NDST3: variants seen among roughly 807,000 people sequenced by gnomAD.
NDST3 encodes the protein N-deacetylase and N-sulfotransferase 3, also known as bifunctional heparan sulfate N-deacetylase/N-sulfotransferase 3.
In NDST3, 58 loss-of-function variants were observed where a neutral mutation model predicts 96.1. The ratio of observed to expected loss-of-function variants is 0.60; its 90% CI spans 0.49 to 0.75. The LOEUF is 0.75. Among genes scored for constraint, NDST3 ranks in the 30% least tolerant of loss-of-function variants. NDST3 has a pLI of 0.00. For synonymous variants in NDST3, 333 were observed against 359.7 expected (o/e 0.93, Z 0.84); for missense variants, 788 against 1,034.2 (o/e 0.76, Z 3.27).
chr4:118,091,828 T>C (rs974946309), intron 2 of NDST3, among the ~76,000 whole-genome samples: 6 of 151,882 alleles, frequency 4.0e-5, no homozygotes, highest in African/African-American at 1.4e-4. Flanking sequence ...TGTATTATAA[T>C]TGACTTCATT....
chr4:118,078,717 C>A (rs1578594279), intron 2 of NDST3, among the ~76,000 whole-genome samples: 4 of 149,990 alleles, frequency 2.7e-5, no homozygotes, highest in South Asian at 2.1e-4. Context: ...CCATTGCACT[C>A]CAGCCTGGCC....
intron 9 of NDST3, among the ~76,000 whole-genome samples, chr4:118,234,421 G>C (rs944135529): frequency 6.6e-6 from 1 of 151,856 alleles, no homozygotes; most frequent in African/African-American, 2.4e-5. Flanking sequence ...CTCAAAAAAA[G>C]AAAAGAAAGA....
At chr4:118,143,863 A>T (rs1733747360) in intron 6 of NDST3, among the ~76,000 whole-genome samples, 179 bp downstream of exon 6, 2 of 152,198 alleles carry the variant, frequency 1.3e-5, no homozygotes, top group South Asian at 4.1e-4. Context: ...CAATTCTACA[A>T]GTAGCAGTAA....
chr4:118,181,191 G>T (rs1281366144), intron 6 of NDST3, among the ~76,000 whole-genome samples: 1 of 152,078 alleles, frequency 6.6e-6, no homozygotes, highest in Non-Finnish European at 1.5e-5. Flanking sequence ...GTCACCAGAA[G>T]TCTCCTTTAG....
At position 118,184,204 on chromosome 4, in the gene NDST3, T is replaced by C. The variant is rs138401974; in HGVS notation, c.1540-40287T>C. ...AAATCATTTCTTTAAAAAGTATTCA[T>C]CCTCTGCCATGGTTAATCTTACGTG... On this transcript the variant is annotated intron_variant, in intron 6 of 13. Transcript: ENST00000296499. 1.5e-3 allele frequency among the ~76,000 whole-genome samples: 232 copies of C among 152,308 alleles called. 1 individual carries two copies. Among genetic ancestry groups the C allele is most frequent in the African/African-American group, 5.4e-3 (223 of 41,584 alleles).
At chr4:118,247,751 A>G (rs942426612) in intron 12 of NDST3, among the ~76,000 whole-genome samples, 3 of 152,226 alleles carry the variant, frequency 2.0e-5, no homozygotes, top group Admixed American at 6.5e-5. Context: ...TATGTAAATA[A>G]TACCTTAAAA....
Position 118,242,122 on chromosome 4 carries a change from C to G in NDST3, c.2372C>G (p.Pro791Arg), listed in dbSNP as rs1741046145. The change falls in exon 12 of 14, where the codon CCT (proline) becomes CGT (arginine). Residue 791 changes from proline to arginine, a missense_variant. This residue lies in a region of NDST3 where 490 missense variants were observed against 708.8 expected (regional missense o/e 0.69). Coordinates refer to ENST00000296499, the MANE Select transcript of NDST3 (RefSeq NM_004784.3). ...DEVQKFLGVLPHYNYSEALTF... is the reference protein window; with the variant it reads ...DEVQKFLGVLRHYNYSEALTF... ...GTACAGAAGTTTCTAGGAGTCTTGC[C>G]TCATTATAATTACTCAGAAGCTTTA... 6.2e-7 allele frequency: 1 copy of G among 1,607,782 alleles called. No homozygotes were observed. The highest frequency in any genetic ancestry group is 8.5e-7 in the Non-Finnish European group (1 of 1,174,852).
At chr4:118,159,585 C>T (rs971903248) in intron 6 of NDST3, among the ~76,000 whole-genome samples, 3 of 152,192 alleles carry the variant, frequency 2.0e-5, no homozygotes, top group Admixed American at 2.0e-4. Flanking sequence ...AATAAGTCTC[C>T]AGAAACCAAC....
chr4:118,207,113 G>A (rs935041362), intron 6 of NDST3, among the ~76,000 whole-genome samples: 1 of 139,224 alleles, frequency 7.2e-6, no homozygotes, highest in African/African-American at 2.7e-5. Context: ...GCTTCCATCT[G>A]TGTTTTAAAA....
At chr4:118,193,974 T>C in intron 6 of NDST3, 2 of 1,007,268 alleles carry the variant, frequency 2.0e-6, no homozygotes, top group Admixed American at 3.4e-5. Flanking sequence ...ACTGTGGTGC[T>C]CTGCTCCAGC....
chr4:118,187,536 C>T (rs541109144), intron 6 of NDST3, among the ~76,000 whole-genome samples: 1 of 152,304 alleles, frequency 6.6e-6, no homozygotes, highest in East Asian at 1.9e-4. Flanking sequence ...ATTGGTCCTT[C>T]ATCTTTCATC....
chr4:118,194,646 ACCTTCAGCATG>A (rs1459058283), intron 6 of NDST3: 2 of 678,348 alleles, frequency 2.9e-6, no homozygotes, highest in Non-Finnish European at 2.7e-6. Flanking sequence ...TCTCTCGATG[ACCTTCAGCATG>A]CCTTCCTCCT....
chr4:118,240,629 T>C lies in NDST3; in HGVS notation c.2224T>C (p.Cys742Arg), dbSNP rs1740948302. 6.2e-7 allele frequency: 1 copy of C among 1,613,738 alleles called. No homozygotes were observed. The highest frequency in any genetic ancestry group is 8.5e-7 in the Non-Finnish European group (1 of 1,179,914). Residue 742 changes from cysteine to arginine, a missense_variant, in exon 11 of 14, where the codon TGT becomes CGT. Coordinates refer to ENST00000296499, the MANE Select transcript of NDST3 (RefSeq NM_004784.3). ...GGAGCTCAGAGCCTTGCAGAAGAGA[T>C]GTTTGGTCCCGGGGTGGTATGCCAG... ...PSELRALQKR[C>R]LVPGWYASHI...
At chr4:118,096,706 G>GATAGATAT (rs1553930735) in intron 2 of NDST3, among the ~76,000 whole-genome samples, 6 of 151,584 alleles carry the variant, frequency 4.0e-5, no homozygotes, top group Non-Finnish European at 7.4e-5. Flanking sequence ...TAGATAGATA[G>GATAGATAT]ATAGACAGTT....
intron 10 of NDST3, among the ~76,000 whole-genome samples, 176 bp from the exon 11 acceptor site, chr4:118,240,348 A>T (rs1740926961): frequency 6.6e-6 from 1 of 152,214 alleles, no homozygotes; most frequent in African/African-American, 2.4e-5. Flanking sequence ...AAGTATCATA[A>T]CTTTAAATCC....
intron 6 of NDST3, among the ~76,000 whole-genome samples, chr4:118,188,559 A>G (rs12504529): frequency 0.52 from 78,440 of 151,828 alleles, 24,147 homozygotes; most frequent in East Asian, 0.74. Context: ...TGCACCATGG[A>G]GTTTATTCAA....
At chr4:118,244,080 C>T (rs1320867100) in intron 12 of NDST3, among the ~76,000 whole-genome samples, 1 of 152,142 alleles carries the variant, frequency 6.6e-6, no homozygotes, top group Non-Finnish European at 1.5e-5. Flanking sequence ...AGGCTCTCAC[C>T]CTGCAGGTGG....
chr4:118,120,005 G>C (rs574491862), intron 4 of NDST3, among the ~76,000 whole-genome samples: 5 of 151,996 alleles, frequency 3.3e-5, no homozygotes, highest in African/African-American at 1.2e-4. Flanking sequence ...ATATTTATAA[G>C]GAAAAGTATG....
intron 1 of NDST3, among the ~76,000 whole-genome samples, chr4:118,050,881 C>T (rs969002415): frequency 3.9e-5 from 6 of 151,960 alleles, no homozygotes; most frequent in Non-Finnish European, 8.8e-5. Context: ...TTCTAAAATT[C>T]ACATGAACCA....
Sources: allele counts gnomAD v4.1 joint callset (sites outside exome capture counted in the v4.1 genomes callset), GRCh38; gene constraint gnomAD v4.1.1; regional missense constraint gnomAD v4.1.1; transcripts MANE v1.5; gene names NCBI Gene and HGNC (gene_info 2026-07-23, HGNC 2026-07-21).